Variants in ZNF324 observed in about 807,000 individuals in gnomAD.
ZNF324 encodes the protein zinc finger protein 324A.
ZNF324 carries 3 observed loss-of-function variants against 10.3 expected under a neutral mutation model. The ratio of observed to expected loss-of-function variants is 0.29; its 90% CI spans 0.13 to 0.75. The LOEUF (loss-of-function observed/expected upper bound fraction) is 0.75, where lower values mean the gene tolerates loss of function less well. Ranked by LOEUF, ZNF324 falls within the 30% of genes least tolerant of loss-of-function variation. The pLI, the probability that ZNF324 is intolerant of heterozygous loss-of-function variation, is 0.69. For synonymous variants in ZNF324, 430 were observed against 339.5 expected, an observed-to-expected ratio of 1.27 and a Z score of -2.93; for missense variants, 763 against 784.4, an observed-to-expected ratio of 0.97 and a Z score of 0.33.
chr19:58,470,898 C>T lies in ZNF324; in HGVS notation c.406C>T (p.Pro136Ser). ...TGCCTCCCCATCTCGGGAGAGAAAA[C>T]CCACGGGGGTGTCGGTGATCTACTG... ...RGASPSRERK[P>S]TGVSVIYWER... Residue 136 changes from proline to serine, a missense_variant, in exon 4 of 4, where the codon CCC (proline) becomes TCC (serine). Pro to Ser is a moderately conservative substitution (Grantham distance 74). Coordinates refer to ENST00000196482, the MANE Select transcript of ZNF324 (RefSeq NM_014347.3). 2.5e-6 allele frequency: 4 copies of T among 1,614,236 alleles called. No homozygotes were observed. The highest frequency in any genetic ancestry group is 3.4e-6 in the Non-Finnish European group (4 of 1,180,046).
At chr19:58,468,419 G>A (rs2053000167) in intron 1 of ZNF324, among the ~76,000 whole-genome samples, 1 of 152,094 alleles carries the variant, frequency 6.6e-6, no homozygotes, top group Non-Finnish European at 1.5e-5. Flanking sequence ...AAAGGAGGAA[G>A]GGATTGAGTT....
rs1381548255 is a variant in ZNF324, at chr19:58,472,275, C to T, written c.*121C>T. The T allele has an allele frequency of 5.3e-6, 6 of 1,125,698 alleles. No homozygotes were observed. The highest frequency in any genetic ancestry group is 7.3e-6 in the Non-Finnish European group (6 of 819,432). The allele number at this position is 1,125,698 out of a possible 1,614,324, so 69.7% of individuals were successfully genotyped here. ...TTGCTAGTCAGGGACAAGGGAGGCCCTTTGGCTGTGATTTCATTTGCACGT... is the reference window on the plus strand; with the variant it reads ...TTGCTAGTCAGGGACAAGGGAGGCCTTTTGGCTGTGATTTCATTTGCACGT... On this transcript the variant is annotated 3_prime_UTR_variant, in exon 4 of 4. Transcript: ENST00000196482.
At chr19:58,469,090 C>G (rs1192246862) in intron 1 of ZNF324, 90 bp from the exon 2 acceptor site, 66 of 1,540,698 alleles carry the variant, frequency 4.3e-5, no homozygotes, top group Admixed American at 2.8e-4. Context: ...TTGCCCAAGA[C>G]AATTCTTCTT....
chr19:58,467,755 C>T (rs952212568), intron 1 of ZNF324: 1 of 151,932 alleles, frequency 6.6e-6, no homozygotes, highest in African/African-American at 2.4e-5. Flanking sequence ...GAGCCGAAGC[C>T]CAGGTGCTTC....
In ZNF324 at chr19:58,473,023, A is replaced by C. The variant is rs2053051722; in HGVS notation, c.*869A>C. ...GTGGCACTCGTTCAGGTTTTTGCCC[A>C]AGTCTCAGCTTGGCCAAGGCCTGTC... On this transcript the variant is annotated 3_prime_UTR_variant, in exon 4 of 4. Coordinates refer to ENST00000196482, the MANE Select transcript of ZNF324 (RefSeq NM_014347.3). 6.5e-6 allele frequency: 1 copy of C among 152,678 alleles called. No homozygotes were observed. The highest frequency in any genetic ancestry group is 1.5e-5 in the Non-Finnish European group (1 of 68,070). The allele number at this position is 152,678 out of a possible 1,614,324, so 9.5% of individuals were successfully genotyped here.
At position 58,472,059 on chromosome 19, in the gene ZNF324, G is replaced by C. The variant is rs1194672820; in HGVS notation, c.1567G>C (p.Val523Leu). Residue 523 changes from valine (V) to leucine (L), a missense_variant, in exon 4 of 4, where the codon GTT (valine) becomes CTT (leucine). Val to Leu is a conservative substitution (Grantham distance 32). Coordinates refer to ENST00000196482, the MANE Select transcript of ZNF324 (RefSeq NM_014347.3). ...RASLHPQARS[V>L]AGASSEGAPA... is the part of the protein sequence containing the mutation. ...CAGCCTGCACCCCCAGGCCAGGTCTGTTGCCGGGGCATCATCAGAAGGTGC... is the reference window on the plus strand; with the variant it reads ...CAGCCTGCACCCCCAGGCCAGGTCTCTTGCCGGGGCATCATCAGAAGGTGC... 1 of 1,604,814 alleles carries C rather than the reference G, an allele frequency of 6.2e-7. No homozygotes were observed. Among genetic ancestry groups the C allele is most frequent in the Non-Finnish European group, 8.5e-7 (1 of 1,178,324 alleles).
rs915946393 is a variant in ZNF324 at position 58,474,348 on chromosome 19, G to A, written c.*2194G>A. ...CAAGTAGATACCCAGAGAGTCACGT[G>A]AAATCATTTCTATGCCTCTGACAGA... is the stretch of plus-strand genomic sequence containing the variant. On this transcript the variant is annotated 3_prime_UTR_variant, in exon 4 of 4. Transcript: ENST00000196482. 6.6e-6 allele frequency: 1 copy of A among 152,168 alleles called. No homozygotes were observed. Among genetic ancestry groups the A allele is most frequent in the African/African-American group, 2.4e-5 (1 of 41,438 alleles). The allele number at this position is 152,168 out of a possible 1,614,324, so 9.4% of individuals were successfully genotyped here.
In ZNF324 at chr19:58,474,057, C is replaced by T. The variant is rs1202219921; in HGVS notation, c.*1903C>T. The T allele has an allele frequency of 6.6e-6, 1 of 152,204 alleles. No individual in the cohort carries two copies. Among genetic ancestry groups the T allele is most frequent in the African/African-American group, 2.4e-5 (1 of 41,438 alleles). 9.4% of individuals were successfully genotyped at this position (152,204 alleles called of 1,614,324 possible). On this transcript the variant is annotated 3_prime_UTR_variant, in exon 4 of 4. Coordinates refer to ENST00000196482, the MANE Select transcript of ZNF324 (RefSeq NM_014347.3). The stretch of plus-strand genomic sequence containing the variant: ...CTATCCTGCCCTATACACAAAGAGC[C>T]CAGATCCAGGCCCCACACACTTGAT...
intron 3 of ZNF324, chr19:58,470,408 A>T: frequency 2.2e-6 from 1 of 452,244 alleles, no homozygotes; most frequent in South Asian, 2.1e-5. Context: ...GGAAGGGGGT[A>T]AGCAATGGAA....
rs1192521603 is a variant in ZNF324 at position 58,472,231 on chromosome 19, CAGAGAA to C, written c.*79_*84del. ...GCATATGTCCTCTGCAGATCCACAG[CAGAGAA>C]AAAGTCCCGTGCTTGCTAGTCAGGG... On this transcript the variant is annotated 3_prime_UTR_variant, in exon 4 of 4. Coordinates refer to ENST00000196482, the MANE Select transcript of ZNF324 (RefSeq NM_014347.3). The C allele has an allele frequency of 2.1e-6, 3 of 1,413,010 alleles. No individual in the cohort carries two copies. The highest frequency in any genetic ancestry group is 2.8e-6 in the Non-Finnish European group (3 of 1,066,702). 87.5% of individuals were successfully genotyped at this position (1,413,010 alleles called of 1,614,324 possible). A position where few individuals can be genotyped will look rare whatever the true frequency, so the allele number is the denominator to read the frequency against.
rs1331865313 is a variant in ZNF324, at chr19:58,471,116, G to A, written c.624G>A (p.Gly208=). 16 of 1,613,736 alleles carry A rather than the reference G, an allele frequency of 9.9e-6. No individual in the cohort carries two copies. In the South Asian group the frequency reaches 1.2e-4, roughly 12 times the overall value. Residue 208 remains glycine (G), a synonymous_variant, in exon 4 of 4, where the codon GGG becomes GGA. Transcript: ENST00000196482. ...AGGAGGTCCCTGGGAGAACCTTTGGGAGCGCCCAGGACCTGGAGGCTGCCG... is the reference window on the plus strand; with the variant it reads ...AGGAGGTCCCTGGGAGAACCTTTGGAAGCGCCCAGGACCTGGAGGCTGCCG... ...CAQEVPGRTF[G]SAQDLEAAGG...
intron 2 of ZNF324, 125 bp from the exon 3 acceptor site, chr19:58,469,603 C>CT (rs2053009876): frequency 1.2e-6 from 1 of 843,608 alleles, no homozygotes; most frequent in African/African-American, 1.7e-5. Context: ...CCTGTGCCAT[C>CT]TTTAGATTCT....
rs145382557 is a variant in ZNF324 at position 58,470,966 on chromosome 19, C to G, written c.474C>G (p.Val158=). 3.1e-6 allele frequency: 5 copies of G among 1,614,114 alleles called. No homozygotes were observed. In the African/African-American group the frequency reaches 5.3e-5, roughly 17 times the overall value. ...LLGSGSGQAS[V]SLRLTSPLRP... ...GCTCAGGCAGTGGGCAAGCCAGCGT[C>G]AGCCTGCGACTGACCTCCCCGCTTA... The change falls in exon 4 of 4, where the codon GTC becomes GTG. Residue 158 remains valine (V), a synonymous_variant. Coordinates refer to ENST00000196482, the MANE Select transcript of ZNF324 (RefSeq NM_014347.3).
In ZNF324 at chr19:58,475,078, G is replaced by A. The variant is rs1435348042; in HGVS notation, c.*2924G>A. On this transcript the variant is annotated 3_prime_UTR_variant, in exon 4 of 4. Coordinates refer to ENST00000196482, the MANE Select transcript of ZNF324 (RefSeq NM_014347.3). Reference sequence around the variant, plus strand: ...TTTTTTCCTTCTGGGACTCTGCATAGTCCCAGAGAAAAGGCCTAAGCACCT... The same window carrying A: ...TTTTTTCCTTCTGGGACTCTGCATAATCCCAGAGAAAAGGCCTAAGCACCT... The A allele has an allele frequency of 3.3e-5, 5 of 151,998 alleles. No individual in the cohort carries two copies. Among genetic ancestry groups the A allele is most frequent in the Non-Finnish European group, 5.9e-5 (4 of 68,014 alleles). The allele number at this position is 151,998 out of a possible 1,614,324, so 9.4% of individuals were successfully genotyped here.
At position 58,468,501 on chromosome 19, in the gene ZNF324, G is replaced by A. The variant is rs563134051; in HGVS notation, c.-6-679G>A. 1.3e-4 allele frequency among the ~76,000 whole-genome samples: 20 copies of A among 152,274 alleles called. 1 individual carries two copies. In the South Asian group the frequency reaches 3.5e-3, roughly 27 times the overall value. On this transcript the variant is annotated intron_variant, in intron 1 of 3. Transcript: ENST00000196482. ...TGAGAATCATCCAGTCCCTCAGGCT[G>A]GATGAGCAGCCTGGAAATGTCAGGC...
In ZNF324 at chr19:58,470,887, G is replaced by A. The variant is rs139340451; in HGVS notation, c.395G>A (p.Arg132Gln). 8.7e-4 allele frequency: 1,399 copies of A among 1,614,208 alleles called. 7 individuals carry two copies. Among genetic ancestry groups the A allele is most frequent in the Admixed American group, 6.2e-4 (37 of 60,022 alleles). ...LQRQRGASPS[R>Q]ERKPTGVSVI... ...AGACAACGGGGTGCCTCCCCATCTC[G>A]GGAGAGAAAACCCACGGGGGTGTCG... Residue 132 changes from arginine to glutamine, a missense_variant, in exon 4 of 4, where the codon CGG becomes CAG. Transcript: ENST00000196482.
At position 58,471,016 on chromosome 19, in the gene ZNF324, G is replaced by A; in HGVS notation, c.524G>A (p.Arg175Lys). ...PLRPPEGVRL[R>K]EKTLTEHALL... ...AGGCCTCCCGAGGGCGTCCGGCTTAGAGAAAAGACACTCACAGAGCATGCG... is the reference window on the plus strand; with the variant it reads ...AGGCCTCCCGAGGGCGTCCGGCTTAAAGAAAAGACACTCACAGAGCATGCG... The change falls in exon 4 of 4, where the codon AGA becomes AAA. Residue 175 changes from arginine (R) to lysine (K), a missense_variant. This residue lies in a region of ZNF324 where 379 missense variants were observed against 319.4 expected (regional missense o/e 1.19). Coordinates refer to ENST00000196482, the MANE Select transcript of ZNF324 (RefSeq NM_014347.3). The A allele has an allele frequency of 6.2e-7, 1 of 1,614,158 alleles. No homozygotes were observed. The highest frequency in any genetic ancestry group is 8.5e-7 in the Non-Finnish European group (1 of 1,180,036).
In ZNF324 at chr19:58,469,262, A is replaced by T; in HGVS notation, c.77A>T (p.Tyr26Phe). Reference protein sequence around the residue: ...GLLDTAQRALYRRVMLDNFAL... With the variant: ...GLLDTAQRALFRRVMLDNFAL... ...CTGGACACAGCCCAGAGGGCCCTGT[A>T]CCGCCGCGTGATGCTAGACAACTTC... Residue 26 changes from tyrosine to phenylalanine, a missense_variant, in exon 2 of 4, where the codon TAC becomes TTC. Physicochemically the swap from Tyr to Phe is conservative, Grantham distance 22. Coordinates refer to ENST00000196482, the MANE Select transcript of ZNF324 (RefSeq NM_014347.3). 2 of 1,614,156 alleles carry T rather than the reference A, an allele frequency of 1.2e-6. No individual in the cohort carries two copies. Among genetic ancestry groups the T allele is most frequent in the Non-Finnish European group, 1.7e-6 (2 of 1,180,008 alleles).
intron 2 of ZNF324, 85 bp downstream of exon 2, chr19:58,469,391 C>T (rs534564811): frequency 2.0e-4 from 311 of 1,549,726 alleles, no homozygotes; most frequent in African/African-American, 6.0e-4. Context: ...TGGTGGCTGA[C>T]GAGCAGGCCT....
Sources: allele counts gnomAD v4.1 joint callset (sites outside exome capture counted in the v4.1 genomes callset), GRCh38; gene constraint gnomAD v4.1.1; regional missense constraint gnomAD v4.1.1; transcripts MANE v1.5; gene names NCBI Gene and HGNC (gene_info 2026-07-23, HGNC 2026-07-21).